CNTN1: variants seen among roughly 807,000 people sequenced by gnomAD.
CNTN1 encodes the protein contactin-1.
CNTN1 carries 38 observed loss-of-function variants against 126.4 expected under a neutral mutation model. The ratio of observed to expected loss-of-function variants is 0.30; its 90% CI spans 0.23 to 0.39. The LOEUF (loss-of-function observed/expected upper bound fraction) is 0.39. Ranked by LOEUF, CNTN1 falls within the 10% of genes least tolerant of loss-of-function variation. CNTN1 has a pLI of 1.00. For synonymous variants in CNTN1, 413 were observed against 422.6 expected, an observed-to-expected ratio of 0.98 and a Z score of 0.28; for missense variants, 1,009 against 1,248.4, an observed-to-expected ratio of 0.81 and a Z score of 2.89.
intron 12 of CNTN1, among the ~76,000 whole-genome samples, chr12:40,943,200 A>T (rs1309102335): frequency 6.6e-6 from 1 of 152,146 alleles, no homozygotes; most frequent in Non-Finnish European, 1.5e-5. Context: ...GTTTCTAAAA[A>T]TAAAATACAT....
chr12:40,784,201 G>C (rs541332589), intron 1 of CNTN1, among the ~76,000 whole-genome samples: 95 of 152,168 alleles, frequency 6.2e-4, no homozygotes, highest in African/African-American at 2.2e-3. Context: ...CATTTGTCTG[G>C]AGATGAGTCT....
At chr12:40,872,208 TTGTTTGTGTG>T (rs1424352605) in intron 1 of CNTN1, among the ~76,000 whole-genome samples, 3,490 of 124,094 alleles carry the variant, frequency 0.028, 130 homozygotes, top group African/African-American at 0.091. Context: ...TTCCGTTGCT[TTGTTTGTGTG>T]TGTGTGTGTG....
intron 1 of CNTN1, among the ~76,000 whole-genome samples, chr12:40,776,990 C>T (rs1939609824): frequency 6.6e-6 from 1 of 151,562 alleles, no homozygotes; most frequent in Admixed American, 6.6e-5. Flanking sequence ...CTTATGTCCC[C>T]TGATTCTCTT....
intron 23 of CNTN1, among the ~76,000 whole-genome samples, chr12:41,052,636 A>G (rs1359639124): frequency 6.6e-6 from 1 of 152,104 alleles, no homozygotes; most frequent in Non-Finnish European, 1.5e-5. Flanking sequence ...CCTATAACTT[A>G]TAAGTAAATA....
chr12:40,748,802 T>TA (rs1359376673), intron 1 of CNTN1, among the ~76,000 whole-genome samples: 1 of 152,006 alleles, frequency 6.6e-6, no homozygotes, highest in Non-Finnish European at 1.5e-5. Flanking sequence ...TTACTATGCT[T>TA]AAAAAAATGG....
intron 12 of CNTN1, among the ~76,000 whole-genome samples, chr12:40,940,860 A>C (rs1320777078): frequency 6.6e-6 from 1 of 152,218 alleles, no homozygotes; most frequent in Non-Finnish European, 1.5e-5. Context: ...CCGCTGAAAC[A>C]TTAATGGTCA....
At chr12:40,849,562 C>A (rs1942642960) in intron 1 of CNTN1, among the ~76,000 whole-genome samples, 1 of 151,962 alleles carries the variant, frequency 6.6e-6, no homozygotes, top group African/African-American at 2.4e-5. Context: ...TTAGGAGAAA[C>A]AAAGGTAACT....
At chr12:41,043,758 A>G (rs1253103954) in intron 23 of CNTN1, among the ~76,000 whole-genome samples, 3 of 151,930 alleles carry the variant, frequency 2.0e-5, no homozygotes, top group Admixed American at 6.6e-5. Context: ...CCAAATGTCC[A>G]ACAATGATAG....
At chr12:40,776,869 G>C (rs1250852398) in intron 1 of CNTN1, among the ~76,000 whole-genome samples, 1 of 151,664 alleles carries the variant, frequency 6.6e-6, no homozygotes, top group Non-Finnish European at 1.5e-5. Context: ...TTTGGCTTCA[G>C]TGACCTATTT....
intron 5 of CNTN1, among the ~76,000 whole-genome samples, chr12:40,923,870 A>G (rs778298528): frequency 1.3e-5 from 2 of 152,208 alleles, no homozygotes; most frequent in African/African-American, 2.4e-5. Context: ...TAACAATTCA[A>G]TGTTATAATT....
At chr12:40,849,916 CT>C (rs1942657350) in intron 1 of CNTN1, among the ~76,000 whole-genome samples, 2 of 151,724 alleles carry the variant, frequency 1.3e-5, no homozygotes, top group Non-Finnish European at 2.9e-5. Flanking sequence ...ATATATGCAT[CT>C]CACCAAATAT....
At chr12:40,877,988 C>CTTTTTTTTTTTTTT (rs199626249) in intron 1 of CNTN1, among the ~76,000 whole-genome samples, 1 of 109,348 alleles carries the variant, frequency 9.1e-6, no homozygotes, top group Non-Finnish European at 1.9e-5. Context: ...CAGTTTTTTC[C>CTTTTTTTTTTTTTT]TTTTTTTTTT....
intron 1 of CNTN1, among the ~76,000 whole-genome samples, chr12:40,836,013 T>TAC (rs1942037939): frequency 6.6e-6 from 1 of 150,760 alleles, no homozygotes; most frequent in African/African-American, 2.4e-5. Flanking sequence ...TGTGTGTATA[T>TAC]ATGTATGCAT....
At chr12:41,028,447 G>C (rs1316199170) in intron 22 of CNTN1, among the ~76,000 whole-genome samples, 2 of 152,152 alleles carry the variant, frequency 1.3e-5, no homozygotes, top group African/African-American at 4.8e-5. Context: ...AAAATGTTAT[G>C]TCAAAAGTGT....
At chr12:40,712,845 T>C (rs780245090) in intron 1 of CNTN1, among the ~76,000 whole-genome samples, 116 of 152,220 alleles carry the variant, frequency 7.6e-4, no homozygotes, top group Admixed American at 1.4e-3. Context: ...TAATTCCCAA[T>C]GTTGGTGGTG....
chr12:40,847,913 G>C (rs573994943), intron 1 of CNTN1, among the ~76,000 whole-genome samples: 34 of 152,256 alleles, frequency 2.2e-4, no homozygotes, highest in African/African-American at 7.9e-4. Context: ...ATTCTCATAA[G>C]AAGCGCACAA....
intron 16 of CNTN1, among the ~76,000 whole-genome samples, chr12:40,985,885 G>A (rs960455961): frequency 3.3e-5 from 5 of 151,928 alleles, no homozygotes; most frequent in East Asian, 1.9e-4. Flanking sequence ...GTGCACGCAC[G>A]CATGTGTCTG....
At chr12:41,001,756 G>A (rs1948365727) in intron 17 of CNTN1, among the ~76,000 whole-genome samples, 1 of 152,132 alleles carries the variant, frequency 6.6e-6, no homozygotes, top group Admixed American at 6.5e-5. Flanking sequence ...TATAGTTTGA[G>A]ATTTTACATT....
chr12:40,864,299 C>T (rs774049030), intron 1 of CNTN1, among the ~76,000 whole-genome samples: 5 of 151,908 alleles, frequency 3.3e-5, no homozygotes, highest in East Asian at 1.9e-4. Flanking sequence ...GGATTACAGG[C>T]GTGAACCACC....
Sources: gnomAD v4.1 joint callset for allele counts (sites outside exome capture counted in the v4.1 genomes callset) on GRCh38, gnomAD v4.1.1 for gene constraint, MANE v1.5 for transcripts, NCBI Gene and HGNC (gene_info 2026-07-23, HGNC 2026-07-21) for gene names.